PAK6: variants seen among roughly 807,000 people sequenced by gnomAD.
The protein encoded by PAK6 is p21 (RAC1) activated kinase 6, also known as serine/threonine-protein kinase PAK 6.
Under a neutral mutation model 60.8 loss-of-function variants are expected in PAK6, and 33 were observed. That is an observed-to-expected ratio of 0.54 (90% CI 0.41 to 0.73). The LOEUF (loss-of-function observed/expected upper bound fraction) is 0.73. PAK6 is among the 30% of genes least tolerant of loss of function. The pLI, the probability that PAK6 is intolerant of heterozygous loss-of-function variation, is 0.00. For missense variants in PAK6, 845 were observed against 904.1 expected (o/e 0.93, Z 0.84); for synonymous variants, 404 against 378.5 (o/e 1.07, Z -0.78).
intron 2 of PAK6, among the ~76,000 whole-genome samples, chr15:40,243,845 G>A (rs2038423921): frequency 6.6e-6 from 1 of 152,228 alleles, no homozygotes; most frequent in South Asian, 2.1e-4. Context: ...AAGGGATCGA[G>A]AGCCGGGCTG....
chr15:40,273,818 A>G, intron 9 of PAK6, 142 bp downstream of exon 9: 1 of 1,007,552 alleles, frequency 9.9e-7, no homozygotes, highest in Middle Eastern at 2.2e-4. Context: ...CCCCCTTTCG[A>G]TGGGGCTGCT....
At chr15:40,253,887 GT>G (rs5812153) in intron 3 of PAK6, among the ~76,000 whole-genome samples, 35,405 of 152,046 alleles carry the variant, frequency 0.23, 5,077 homozygotes, top group Non-Finnish European at 0.34. Flanking sequence ...CATTCTGGTG[GT>G]TTTTTGGGGG....
chr15:40,273,600 C>G (rs756662143), exon 9 of PAK6: 2 of 1,614,076 alleles, frequency 1.2e-6, no homozygotes, highest in Non-Finnish European at 8.5e-7. Context: ...AAAGACGTCC[C>G]TAAGAGGAAG....
intron 7 of PAK6, 51 bp from the exon 8 acceptor site, chr15:40,273,295 C>T (rs370957509): frequency 5.0e-6 from 8 of 1,593,466 alleles, no homozygotes; most frequent in Non-Finnish European, 6.8e-6. Flanking sequence ...ACCCCACGAC[C>T]TGCCAGAGCT....
At chr15:40,275,357 C>T (rs1426155107) in intron 10 of PAK6, among the ~76,000 whole-genome samples, 2 of 128,384 alleles carry the variant, frequency 1.6e-5, no homozygotes, top group Non-Finnish European at 3.1e-5. Context: ...GCGATCTCAG[C>T]TCACTGCAAC....
chr15:40,269,440 G>A (rs1375544629), intron 5 of PAK6, among the ~76,000 whole-genome samples: 1 of 152,232 alleles, frequency 6.6e-6, no homozygotes, highest in Non-Finnish European at 1.5e-5. Context: ...AGGCATTGCT[G>A]TAAATGTATG....
At chr15:40,241,025 A>G (rs1260707734) in intron 2 of PAK6, among the ~76,000 whole-genome samples, 8 of 152,172 alleles carry the variant, frequency 5.3e-5, no homozygotes, top group African/African-American at 7.2e-5. Context: ...TCATTCCACA[A>G]ATATTTAGGG....
At chr15:40,256,583 C>G (rs2038840148) in intron 3 of PAK6, among the ~76,000 whole-genome samples, 1 of 152,130 alleles carries the variant, frequency 6.6e-6, no homozygotes, top group South Asian at 2.1e-4. Context: ...AGGATAGGCC[C>G]TTCCCCAGAG....
chr15:40,248,660 G>A (rs2038564977), intron 2 of PAK6, among the ~76,000 whole-genome samples: 2 of 152,214 alleles, frequency 1.3e-5, no homozygotes, highest in Non-Finnish European at 1.5e-5. Context: ...GGGCCCCTCT[G>A]CCCCTCACAC....
intron 3 of PAK6, among the ~76,000 whole-genome samples, chr15:40,262,318 A>G (rs2039004893): frequency 6.6e-6 from 1 of 152,216 alleles, no homozygotes; most frequent in Admixed American, 6.5e-5. Flanking sequence ...AGCCTGGCCA[A>G]CATGGTGAAA....
At chr15:40,265,561 C>T (rs2039102257) in intron 4 of PAK6, among the ~76,000 whole-genome samples, 5 of 152,270 alleles carry the variant, frequency 3.3e-5, no homozygotes, top group Admixed American at 2.6e-4. Flanking sequence ...CTGGCCCAGC[C>T]GACCACACCC....
intron 3 of PAK6, 131 bp from the exon 4 acceptor site, chr15:40,264,650 G>A (rs2039070574): frequency 2.7e-6 from 2 of 731,188 alleles, no homozygotes; most frequent in Non-Finnish European, 4.7e-6. Flanking sequence ...AGATGGAGGT[G>A]GAGGGAAGCC....
intron 5 of PAK6, among the ~76,000 whole-genome samples, chr15:40,267,877 G>A (rs941429619): frequency 5.3e-5 from 8 of 152,214 alleles, no homozygotes; most frequent in Non-Finnish European, 1.0e-4. Flanking sequence ...CTGGGAAGGT[G>A]AGATTCGGAG....
exon 6 of PAK6, chr15:40,272,308 G>A: frequency 3.7e-6 from 6 of 1,614,022 alleles, no homozygotes; most frequent in South Asian, 2.2e-5. Context: ...GGACCAGCCG[G>A]TGGGGACCTT....
chr15:40,249,968 G>A lies in PAK6; in HGVS notation c.-117-3210G>A, dbSNP rs147075682. Among the ~76,000 whole-genome samples, 400 of 152,370 alleles carry A rather than the reference G, an allele frequency of 2.6e-3. 1 individual carries two copies. The highest frequency in any genetic ancestry group is 9.3e-3 in the African/African-American group (385 of 41,588). On this transcript the variant is annotated intron_variant, in intron 2 of 10. Coordinates refer to ENST00000560346, the Ensembl canonical transcript of PAK6. ...CCCAATTTGTAGAATGGGAGTGCCT[G>A]GACAATTCCTTCAACCAGAAGGTCT...
intron 2 of PAK6, chr15:40,251,851 C>A (rs2038678018): frequency 6.5e-6 from 1 of 153,042 alleles, no homozygotes; most frequent in Non-Finnish European, 1.5e-5. Flanking sequence ...CAGGAGTGAG[C>A]CCCTTGGAAT....
At chr15:40,248,742 C>T (rs1290832141) in intron 2 of PAK6, among the ~76,000 whole-genome samples, 2 of 152,030 alleles carry the variant, frequency 1.3e-5, no homozygotes, top group East Asian at 1.9e-4. Context: ...CGCACCCCAG[C>T]CCTCTTGTGT....
At chr15:40,252,507 G>A (rs1313141947) in intron 2 of PAK6, 1 of 1,363,536 alleles carries the variant, frequency 7.3e-7, no homozygotes. Context: ...CCGCGCTCTG[G>A]GTTCGCCGCC....
rs555636844 is a variant in PAK6, at chr15:40,243,619, C to T, written c.-118+2938C>T. Among the ~76,000 whole-genome samples the T allele has an allele frequency of 4.6e-5, 7 of 152,256 alleles. No homozygotes were observed. The East Asian group carries it at 7.7e-4, about 17-fold the overall frequency. ...TTCGGGGGAATCAGGAAAGGCTTCACGGAGGAGGTGACTTTGAAAGAACCC... is the reference window on the plus strand; with the variant it reads ...TTCGGGGGAATCAGGAAAGGCTTCATGGAGGAGGTGACTTTGAAAGAACCC... On this transcript the variant is annotated intron_variant, in intron 2 of 10. Coordinates refer to ENST00000560346, the Ensembl canonical transcript of PAK6.
Sources: allele counts gnomAD v4.1 joint callset (sites outside exome capture counted in the v4.1 genomes callset), GRCh38; gene constraint gnomAD v4.1.1; transcripts MANE v1.5; gene names NCBI Gene and HGNC (gene_info 2026-07-23, HGNC 2026-07-21).